The following DLG5 variants were observed in gnomAD, a reference collection of about 807,000 sequenced individuals.
DLG5 encodes disks large homolog 5.
DLG5 carries 48 observed loss-of-function variants against 189.8 expected under a neutral mutation model. That is an observed-to-expected ratio of 0.25 (90% CI 0.20 to 0.32). The LOEUF (loss-of-function observed/expected upper bound fraction) is 0.32. Ranked by LOEUF, DLG5 falls within the 10% of genes least tolerant of loss-of-function variation. The pLI is 1.00. For missense variants in DLG5, 2,160 were observed against 2,544.7 expected (o/e 0.85, Z 3.25); for synonymous variants, 1,016 against 1,054.1 (o/e 0.96, Z 0.70).
At chr10:77,849,949 C>T (rs1843883303) in intron 5 of DLG5, among the ~76,000 whole-genome samples, 1 of 152,190 alleles carries the variant, frequency 6.6e-6, no homozygotes, top group Non-Finnish European at 1.5e-5. Context: ...AGGGATCCTC[C>T]TGCTCCTTCC....
At chr10:77,861,824 C>T (rs1348450597) in intron 2 of DLG5, among the ~76,000 whole-genome samples, 1 of 152,222 alleles carries the variant, frequency 6.6e-6, no homozygotes, top group African/African-American at 2.4e-5. Flanking sequence ...GAAGGATTCT[C>T]GTTCCACTTC....
At chr10:77,853,187 T>C (rs887838151) in intron 5 of DLG5, among the ~76,000 whole-genome samples, 167 bp downstream of exon 5, 2 of 151,814 alleles carry the variant, frequency 1.3e-5, no homozygotes, top group African/African-American at 4.8e-5. Context: ...CTTGCCATGT[T>C]GCCCAGGCTC....
At chr10:77,927,552 G>C (rs534713581), upstream of DLG5, 7 of 152,358 alleles carry the variant, frequency 4.6e-5, no homozygotes, top group Admixed American at 4.6e-4. Context: ...GAGAAGAGCT[G>C]GTCCCCAGAG....
rs370483432 is a variant in DLG5 at position 77,869,184 on chromosome 10, G to A, written c.318C>T (p.Ser106=). Residue 106 remains serine, a synonymous_variant, in exon 2 of 32, where the codon AGC becomes AGT. Coordinates refer to ENST00000372391, the MANE Select transcript of DLG5 (RefSeq NM_004747.4). Reference sequence around the variant, plus strand: ...AGTCTGAGGGCATGGTGGACAGGACGCTGTAGGTAGAACCTGGGGAAAGAG... The same window carrying A: ...AGTCTGAGGGCATGGTGGACAGGACACTGTAGGTAGAACCTGGGGAAAGAG... The part of the protein sequence containing the change: ...QPAEGAGSTY[S]VLSTMPSDSE... 20 of 1,613,598 alleles carry A rather than the reference G, an allele frequency of 1.2e-5. No individual in the cohort carries two copies. Among genetic ancestry groups the A allele is most frequent in the African/African-American group, 4.0e-5 (3 of 74,838 alleles).
intron 5 of DLG5, among the ~76,000 whole-genome samples, chr10:77,844,844 G>C (rs1012070267): frequency 6.6e-6 from 1 of 152,236 alleles, no homozygotes; most frequent in Non-Finnish European, 1.5e-5. Context: ...AAATGAAGAA[G>C]AGCAGCGAGA....
intron 1 of DLG5, among the ~76,000 whole-genome samples, chr10:77,922,235 C>A (rs1846556208): frequency 6.6e-6 from 1 of 152,122 alleles, no homozygotes; most frequent in South Asian, 2.1e-4. Context: ...CCATTAGCCC[C>A]ATCTTACAGA....
At chr10:77,883,811 C>T (rs1408938753) in intron 1 of DLG5, among the ~76,000 whole-genome samples, 1 of 148,650 alleles carries the variant, frequency 6.7e-6, no homozygotes, top group Non-Finnish European at 1.5e-5. Flanking sequence ...ATTCTCCTGA[C>T]TCAGCCTCCC....
At position 77,797,803 on chromosome 10, in the gene DLG5, A is replaced by C. The variant is rs182371178; in HGVS notation, c.5165-1209T>G. Among the ~76,000 whole-genome samples, 26 of 152,316 alleles carry C rather than the reference A, an allele frequency of 1.7e-4. No homozygotes were observed. The East Asian group carries it at 5.0e-3, about 29-fold the overall frequency. ...CAAGCACAGTGCCAGCTGCAGCAGC[A>C]GGCTCCATGAAGAGCAACCTGTGGG... On this transcript the variant is annotated intron_variant, in intron 27 of 31. Coordinates refer to ENST00000372391, the MANE Select transcript of DLG5 (RefSeq NM_004747.4).
chr10:77,795,990 C>G, intron 29 of DLG5, 71 bp downstream of exon 29: 1 of 1,604,898 alleles, frequency 6.2e-7, no homozygotes, highest in South Asian at 1.1e-5. Context: ...GGATCACGGA[C>G]CAGGGGCCTA....
intron 27 of DLG5, among the ~76,000 whole-genome samples, chr10:77,798,014 C>T (rs1339332958): frequency 6.6e-6 from 1 of 152,042 alleles, no homozygotes; most frequent in East Asian, 1.9e-4. Flanking sequence ...AGGCAAGACC[C>T]CTTCTCTACT....
At chr10:77,847,987 G>A (rs56113231) in intron 5 of DLG5, among the ~76,000 whole-genome samples, 4,739 of 152,298 alleles carry the variant, frequency 0.031, 105 homozygotes, top group Non-Finnish European at 0.052. Context: ...GATTACAGGC[G>A]TGAGCCCTGA....
chr10:77,865,327 G>A (rs993782311), intron 2 of DLG5, among the ~76,000 whole-genome samples: 13 of 152,130 alleles, frequency 8.5e-5, no homozygotes, highest in Non-Finnish European at 1.5e-5. Flanking sequence ...AAGGATCAGA[G>A]GTCACAGGGC....
chr10:77,884,356 T>C (rs946265966), intron 1 of DLG5, among the ~76,000 whole-genome samples: 1 of 152,214 alleles, frequency 6.6e-6, no homozygotes, highest in Admixed American at 6.5e-5. Context: ...AAGGTGCATC[T>C]TGAAAGAGCA....
At chr10:77,914,627 C>G (rs79920535) in intron 1 of DLG5, among the ~76,000 whole-genome samples, 3,982 of 152,220 alleles carry the variant, frequency 0.026, 184 homozygotes, top group African/African-American at 0.091. Flanking sequence ...CCAAACCCAC[C>G]AAGAATGCCC....
At chr10:77,850,414 G>T (rs571048070) in intron 5 of DLG5, among the ~76,000 whole-genome samples, 1 of 152,302 alleles carries the variant, frequency 6.6e-6, no homozygotes, top group East Asian at 1.9e-4. Context: ...TCCATTGTAT[G>T]GATAGATCAC....
intron 27 of DLG5, among the ~76,000 whole-genome samples, chr10:77,799,024 T>C: frequency 6.6e-6 from 1 of 152,210 alleles, no homozygotes; most frequent in East Asian, 1.9e-4. Flanking sequence ...CCCTTAATGA[T>C]TACTAACATT....
intron 27 of DLG5, among the ~76,000 whole-genome samples, chr10:77,805,365 G>A (rs1019735381): frequency 3.3e-5 from 5 of 152,130 alleles, no homozygotes; most frequent in Non-Finnish European, 7.4e-5. Context: ...TGCTGAAAGA[G>A]GCACGCTCAG....
At chr10:77,870,168 A>G (rs529888653) in intron 1 of DLG5, among the ~76,000 whole-genome samples, 27 of 152,352 alleles carry the variant, frequency 1.8e-4, no homozygotes, top group Admixed American at 1.4e-3. Context: ...TAACACACAG[A>G]GATGGCAGGT....
In DLG5 at chr10:77,922,647, T is replaced by A. The variant is rs563049164; in HGVS notation, c.304+3570A>T. ...CTTGGCCTTGACTCAGGCACCTTTC[T>A]GCCCTGCGACTTCTTCCTTACAGAC... On this transcript the variant is annotated intron_variant, in intron 1 of 31. Coordinates refer to ENST00000372391, the MANE Select transcript of DLG5 (RefSeq NM_004747.4). Among the ~76,000 whole-genome samples, 405 of 152,290 alleles carry A rather than the reference T, an allele frequency of 2.7e-3. 1 individual carries two copies. The highest frequency in any genetic ancestry group is 7.0e-3 in the Admixed American group (107 of 15,300).
Sources: gnomAD v4.1 joint callset for allele counts (sites outside exome capture counted in the v4.1 genomes callset) on GRCh38, gnomAD v4.1.1 for gene constraint, MANE v1.5 for transcripts, NCBI Gene and HGNC (gene_info 2026-07-23, HGNC 2026-07-21) for gene names.